Variants in CDYL2 observed in about 807,000 individuals in gnomAD.
CDYL2 encodes chromodomain Y-like protein 2.
Under a neutral mutation model 49.4 loss-of-function variants are expected in CDYL2, and 23 were observed. That is an observed-to-expected ratio of 0.47 (90% CI 0.34 to 0.66). The LOEUF is 0.66. Among genes scored for constraint, CDYL2 ranks in the 30% least tolerant of loss-of-function variants. The pLI is 0.01. For missense variants in CDYL2, 678 were observed against 656.4 expected, an observed-to-expected ratio of 1.03 and a Z score of -0.36; for synonymous variants, 360 against 268.8, an observed-to-expected ratio of 1.34 and a Z score of -3.32.
At chr16:80,620,431 G>A (rs1044868715) in intron 4 of CDYL2, among the ~76,000 whole-genome samples, 3 of 152,128 alleles carry the variant, frequency 2.0e-5, no homozygotes, top group African/African-American at 7.2e-5. Context: ...GACAACACAT[G>A]GCCACTACCA....
At chr16:80,778,509 T>A (rs1597129563) in intron 1 of CDYL2, among the ~76,000 whole-genome samples, 1 of 152,030 alleles carries the variant, frequency 6.6e-6, no homozygotes, top group Admixed American at 6.5e-5. Context: ...GCAACAAAAC[T>A]CTAAACTGTC....
intron 1 of CDYL2, among the ~76,000 whole-genome samples, chr16:80,712,167 ATATG>A (rs1219167783): frequency 1.7e-5 from 2 of 118,014 alleles, no homozygotes; most frequent in East Asian, 2.5e-4. Flanking sequence ...GTGTGTATAT[ATATG>A]TGTCTTTGTG....
Position 80,632,959 on chromosome 16 carries a change from A to G in CDYL2, c.834+60T>C. The G allele has an allele frequency of 3.3e-6, 5 of 1,507,472 alleles. No individual in the cohort carries two copies. The Admixed American group carries it at 8.4e-5, about 25-fold the overall frequency. 93.4% of individuals were successfully genotyped at this position (1,507,472 alleles called of 1,614,324 possible). On this transcript the variant is annotated intron_variant, in intron 3 of 6. Coordinates refer to ENST00000570137, the MANE Select transcript of CDYL2 (RefSeq NM_152342.4). ...GAAGGAAGGAGAAAGCCAATATTCC[A>G]TTCTGAGTGAGAAGGAGCCACAGCC... is the stretch of plus-strand genomic sequence containing the variant.
At chr16:80,606,180 A>G (rs1448472063) in intron 6 of CDYL2, among the ~76,000 whole-genome samples, 1 of 152,226 alleles carries the variant, frequency 6.6e-6, no homozygotes, top group Non-Finnish European at 1.5e-5. Flanking sequence ...TGGTGGGATG[A>G]GCTGCCAGAC....
At position 80,792,375 on chromosome 16, in the gene CDYL2, T is replaced by C. The variant is rs571246737; in HGVS notation, c.24+11775A>G. Among the ~76,000 whole-genome samples, 3 of 152,032 alleles carry C rather than the reference T, an allele frequency of 2.0e-5. No homozygotes were observed. The South Asian group carries it at 6.2e-4, about 32-fold the overall frequency. On this transcript the variant is annotated intron_variant, in intron 1 of 6. Transcript: ENST00000570137. ...AGAGTGGAGGGCCATTCTAGGAAAATATTTCAAGAACAAGAGGTGGCGACC... is the reference window on the plus strand; with the variant it reads ...AGAGTGGAGGGCCATTCTAGGAAAACATTTCAAGAACAAGAGGTGGCGACC...
intron 1 of CDYL2, among the ~76,000 whole-genome samples, 160 bp downstream of exon 1, chr16:80,803,990 G>A (rs896850393): frequency 7.5e-6 from 1 of 132,940 alleles, no homozygotes; most frequent in East Asian, 2.8e-4. Flanking sequence ...CGGGAGGCGC[G>A]CCCGGCCCCC....
At chr16:80,610,110 C>T (rs184567420) in intron 5 of CDYL2, among the ~76,000 whole-genome samples, 83 of 152,224 alleles carry the variant, frequency 5.5e-4, no homozygotes, top group African/African-American at 2.0e-3. Flanking sequence ...ATTTTCAAAA[C>T]AGAACAAGGG....
intron 1 of CDYL2, among the ~76,000 whole-genome samples, chr16:80,712,186 T>A (rs1156542801): frequency 3.9e-5 from 1 of 25,764 alleles, no homozygotes; most frequent in Non-Finnish European, 6.6e-5. Context: ...TTTGTGTCTG[T>A]GTGTGTATAT....
At chr16:80,751,778 T>C (rs1436677087) in intron 1 of CDYL2, among the ~76,000 whole-genome samples, 5 of 152,210 alleles carry the variant, frequency 3.3e-5, no homozygotes. Context: ...CTCAAGTCTT[T>C]CACTTAGGAA....
At chr16:80,660,870 A>AG (rs1909012622) in intron 2 of CDYL2, among the ~76,000 whole-genome samples, 1 of 152,172 alleles carries the variant, frequency 6.6e-6, no homozygotes, top group African/African-American at 2.4e-5. Context: ...AAAAGGTGTC[A>AG]GGGAATTCAC....
intron 1 of CDYL2, among the ~76,000 whole-genome samples, chr16:80,800,075 C>T (rs964962641): frequency 6.6e-5 from 10 of 152,190 alleles, no homozygotes; most frequent in African/African-American, 2.4e-4. Context: ...TAAGCACTCT[C>T]ACAGGGAAAG....
chr16:80,800,591 T>C (rs1290831395), intron 1 of CDYL2, among the ~76,000 whole-genome samples: 2 of 152,046 alleles, frequency 1.3e-5, no homozygotes, highest in Non-Finnish European at 2.9e-5. Flanking sequence ...AAATGGATAG[T>C]TGTGGACACT....
intron 3 of CDYL2, among the ~76,000 whole-genome samples, chr16:80,629,813 A>T (rs1907472508): frequency 6.6e-6 from 1 of 152,232 alleles, no homozygotes; most frequent in Non-Finnish European, 1.5e-5. Context: ...TCCTCCATTC[A>T]CAAGCAAGGC....
chr16:80,723,365 T>C (rs1046910475), intron 1 of CDYL2, among the ~76,000 whole-genome samples: 6 of 152,200 alleles, frequency 3.9e-5, no homozygotes, highest in African/African-American at 1.4e-4. Context: ...GGAGCTGAGA[T>C]GAACATTCAA....
chr16:80,739,798 G>A (rs1905672167), intron 1 of CDYL2, among the ~76,000 whole-genome samples: 1 of 152,146 alleles, frequency 6.6e-6, no homozygotes, highest in African/African-American at 2.4e-5. Flanking sequence ...TGCCAATCAG[G>A]GAAACTCCCC....
intron 4 of CDYL2, among the ~76,000 whole-genome samples, chr16:80,613,631 T>G (rs1906700909): frequency 1.3e-5 from 2 of 152,228 alleles, no homozygotes; most frequent in Non-Finnish European, 2.9e-5. Flanking sequence ...GAGCAAGGCA[T>G]GTACCTTTAC....
At chr16:80,629,212 G>C (rs543916994) in intron 3 of CDYL2, among the ~76,000 whole-genome samples, 1 of 152,146 alleles carries the variant, frequency 6.6e-6, no homozygotes. Context: ...CTGCATTTCT[G>C]GAAGATCATT....
chr16:80,672,368 G>GAA (rs1248243783), intron 2 of CDYL2, among the ~76,000 whole-genome samples: 1 of 149,858 alleles, frequency 6.7e-6, no homozygotes, highest in African/African-American at 2.5e-5. Flanking sequence ...GAGAGAGAGA[G>GAA]ATGAGTAGAA....
At chr16:80,626,789 A>G (rs1337588033) in intron 3 of CDYL2, among the ~76,000 whole-genome samples, 1 of 152,206 alleles carries the variant, frequency 6.6e-6, no homozygotes, top group African/African-American at 2.4e-5. Context: ...CTGTTTTTTA[A>G]GGTTAAAGTT....
Sources: allele counts gnomAD v4.1 joint callset (sites outside exome capture counted in the v4.1 genomes callset), GRCh38; gene constraint gnomAD v4.1.1; transcripts MANE v1.5; gene names NCBI Gene and HGNC (gene_info 2026-07-23, HGNC 2026-07-21).